GPC5: variants seen among roughly 807,000 people sequenced by gnomAD.
GPC5 encodes glypican 5, also known as glypican-5.
Under a neutral mutation model 53.9 loss-of-function variants are expected in GPC5, and 47 were observed. That is an observed-to-expected ratio of 0.87 (90% CI 0.69 to 1.11). GPC5 has a LOEUF of 1.11. GPC5 is among the 50% of genes most tolerant of loss of function. The probability of loss-of-function intolerance (pLI) is 0.00; values close to 1 mark genes in which losing one functional copy is unlikely to be tolerated. For synonymous variants in GPC5, 286 were observed against 263.3 expected (o/e 1.09, Z -0.84); for missense variants, 748 against 713.1 (o/e 1.05, Z -0.56).
chr13:91,594,823 G>T (rs1375085675), intron 2 of GPC5, among the ~76,000 whole-genome samples: 1 of 151,658 alleles, frequency 6.6e-6, no homozygotes, highest in East Asian at 2.0e-4. Flanking sequence ...GGACTAGAGG[G>T]CATACCACCA....
chr13:91,778,054 A>AATTCT (rs2037739268), intron 5 of GPC5, among the ~76,000 whole-genome samples: 1 of 151,002 alleles, frequency 6.6e-6, no homozygotes, highest in Non-Finnish European at 1.5e-5. Context: ...GGGATGGCTA[A>AATTCT]AAGGATCCTT....
intron 7 of GPC5, among the ~76,000 whole-genome samples, chr13:92,429,256 A>G (rs1876976733): frequency 6.6e-6 from 1 of 152,026 alleles, no homozygotes; most frequent in African/African-American, 2.4e-5. Flanking sequence ...CATTTTATTC[A>G]TGTTATAAAG....
Position 92,810,988 on chromosome 13 carries a change from G to A in GPC5, c.1562-55294G>A, listed in dbSNP as rs1329621794. 2.0e-5 allele frequency among the ~76,000 whole-genome samples: 3 copies of A among 151,928 alleles called. 1 individual carries two copies. The highest frequency in any genetic ancestry group is 7.3e-5 in the African/African-American group (3 of 41,262). ...GCCTGATTCGGCCTCCCAAAGTGCT[G>A]GGATTGCAGGAGTGAGCCACCGTGC... is the stretch of plus-strand genomic sequence containing the variant. On this transcript the variant is annotated intron_variant, in intron 7 of 7. Coordinates refer to ENST00000377067, the MANE Select transcript of GPC5 (RefSeq NM_004466.6).
intron 7 of GPC5, among the ~76,000 whole-genome samples, chr13:92,638,183 C>A (rs1413115355): frequency 6.6e-6 from 1 of 152,016 alleles, no homozygotes; most frequent in Non-Finnish European, 1.5e-5. Flanking sequence ...AGAATAATTA[C>A]TGAAAAAAAT....
chr13:91,795,288 T>C (rs2038029074), intron 5 of GPC5, among the ~76,000 whole-genome samples: 2 of 152,206 alleles, frequency 1.3e-5, no homozygotes, highest in Non-Finnish European at 2.9e-5. Context: ...TTTATTTTTA[T>C]TAATTTCAAA....
chr13:91,799,527 A>C (rs1321932138), intron 5 of GPC5, among the ~76,000 whole-genome samples: 1 of 151,444 alleles, frequency 6.6e-6, no homozygotes, highest in African/African-American at 2.4e-5. Context: ...TTCAAAATTT[A>C]TTTACCTCTC....
chr13:91,708,421 C>CT (rs35959062), intron 3 of GPC5, among the ~76,000 whole-genome samples: 33,095 of 151,926 alleles, frequency 0.22, 5,298 homozygotes, highest in African/African-American at 0.45. Context: ...AGAAGTCAGT[C>CT]CAAAAGACCG....
chr13:92,120,615 ATG>A (rs1170647645), intron 6 of GPC5, among the ~76,000 whole-genome samples: 3 of 152,184 alleles, frequency 2.0e-5, no homozygotes, highest in Non-Finnish European at 4.4e-5. Context: ...ATGTACAAAA[ATG>A]TGTTTTAATG....
chr13:92,126,407 A>G (rs1256038609), intron 6 of GPC5, among the ~76,000 whole-genome samples: 3 of 152,234 alleles, frequency 2.0e-5, no homozygotes, highest in African/African-American at 7.2e-5. Flanking sequence ...GATGTCTTGC[A>G]CATAGGACAA....
At chr13:92,258,105 AC>A (rs1296060590) in intron 7 of GPC5, among the ~76,000 whole-genome samples, 3 of 152,190 alleles carry the variant, frequency 2.0e-5, no homozygotes, top group African/African-American at 7.2e-5. Context: ...AAGGAAAAAA[AC>A]AATAGCAGAA....
At chr13:92,229,380 G>A (rs2042513291) in intron 7 of GPC5, among the ~76,000 whole-genome samples, 1 of 151,828 alleles carries the variant, frequency 6.6e-6, no homozygotes, top group Non-Finnish European at 1.5e-5. Flanking sequence ...TTTTAACTGG[G>A]TTAATTGAGA....
At chr13:91,552,791 A>T (rs1419219520) in intron 2 of GPC5, among the ~76,000 whole-genome samples, 1 of 152,090 alleles carries the variant, frequency 6.6e-6, no homozygotes, top group Admixed American at 6.6e-5. Context: ...CATTATGAAC[A>T]TGTTACAGTG....
At chr13:92,546,194 G>T (rs183466311) in intron 7 of GPC5, among the ~76,000 whole-genome samples, 1 of 152,118 alleles carries the variant, frequency 6.6e-6, no homozygotes, top group Non-Finnish European at 1.5e-5. Context: ...GGAAATAAAG[G>T]GTATTCAATT....
chr13:92,838,007 A>G (rs1264559551), intron 7 of GPC5, among the ~76,000 whole-genome samples: 1 of 152,028 alleles, frequency 6.6e-6, no homozygotes, highest in East Asian at 1.9e-4. Context: ...AGGCAGGACA[A>G]CTGCTGGAAC....
At chr13:91,834,859 C>G (rs567342019) in intron 5 of GPC5, among the ~76,000 whole-genome samples, 1 of 152,168 alleles carries the variant, frequency 6.6e-6, no homozygotes, top group Admixed American at 6.5e-5. Context: ...AACTAAAACA[C>G]CAAAAGCAAT....
intron 7 of GPC5, among the ~76,000 whole-genome samples, chr13:92,543,252 GT>G (rs1881985937): frequency 6.6e-6 from 1 of 151,738 alleles, no homozygotes; most frequent in Non-Finnish European, 1.5e-5. Flanking sequence ...GCTTGATCTA[GT>G]CTTTTAAGTT....
chr13:92,459,761 T>A (rs1206757029), intron 7 of GPC5, among the ~76,000 whole-genome samples: 1 of 152,218 alleles, frequency 6.6e-6, no homozygotes, highest in East Asian at 1.9e-4. Context: ...ATATATAACC[T>A]ATGTCAGCAA....
At chr13:92,031,982 ATATAT>A (rs1051689418) in intron 6 of GPC5, among the ~76,000 whole-genome samples, 4 of 129,234 alleles carry the variant, frequency 3.1e-5, no homozygotes, top group African/African-American at 5.8e-5. Context: ...TATTCATTAC[ATATAT>A]TATATACAAA....
chr13:92,211,208 T>C (rs2042372482), intron 7 of GPC5, among the ~76,000 whole-genome samples: 1 of 152,160 alleles, frequency 6.6e-6, no homozygotes, highest in East Asian at 1.9e-4. Context: ...AAGGAAAGGA[T>C]ATCTATTGAA....
Sources: allele counts gnomAD v4.1 joint callset (sites outside exome capture counted in the v4.1 genomes callset), GRCh38; gene constraint gnomAD v4.1.1; transcripts MANE v1.5; gene names NCBI Gene and HGNC (gene_info 2026-07-23, HGNC 2026-07-21).